Variants in NELL1 observed in about 807,000 individuals in gnomAD.
NELL1 encodes neural EGFL like 1, also known as protein kinase C-binding protein NELL1.
NELL1 carries 76 observed loss-of-function variants against 107.4 expected under a neutral mutation model. That is an observed-to-expected ratio of 0.71 (90% CI 0.59 to 0.86). The LOEUF (loss-of-function observed/expected upper bound fraction) is 0.86, where lower values mean the gene tolerates loss of function less well. Ranked by LOEUF, NELL1 falls within the 40% of genes least tolerant of loss-of-function variation. NELL1 has a pLI of 0.00. For missense variants in NELL1, 1,024 were observed against 1,005.5 expected (o/e 1.02, Z -0.25); for synonymous variants, 353 against 341.2 (o/e 1.03, Z -0.38).
chr11:20,915,717 A>ATATATATATATTTTTTTTT, intron 5 of NELL1, among the ~76,000 whole-genome samples: 1 of 58,218 alleles, frequency 1.7e-5, no homozygotes, highest in African/African-American at 8.8e-5. Context: ...ATATATATAT[A>ATATATATATATTTTTTTTT]TTTTTTTTTT....
At chr11:21,474,180 A>G (rs1037000332) in intron 15 of NELL1, among the ~76,000 whole-genome samples, 3 of 151,924 alleles carry the variant, frequency 2.0e-5, no homozygotes, top group Admixed American at 6.6e-5. Context: ...TTTTACTCAC[A>G]TTAACTTTCT....
At chr11:21,332,997 C>A (rs769958175) in intron 14 of NELL1, among the ~76,000 whole-genome samples, 1 of 151,938 alleles carries the variant, frequency 6.6e-6, no homozygotes. Context: ...ATAAATAAAT[C>A]AATAAGTGCA....
intron 2 of NELL1, among the ~76,000 whole-genome samples, chr11:20,688,150 A>G (rs748244196): frequency 6.6e-6 from 1 of 152,054 alleles, no homozygotes; most frequent in African/African-American, 2.4e-5. Context: ...TCGTAGTAGA[A>G]TTTGTTATAG....
chr11:20,968,323 A>G (rs191538917), intron 12 of NELL1, among the ~76,000 whole-genome samples: 1 of 151,702 alleles, frequency 6.6e-6, no homozygotes, highest in Non-Finnish European at 1.5e-5. Context: ...TGCATGGTAC[A>G]TTATAGACAC....
intron 5 of NELL1, among the ~76,000 whole-genome samples, chr11:20,900,858 A>G (rs961789789): frequency 3.9e-5 from 6 of 152,104 alleles, no homozygotes; most frequent in Non-Finnish European, 4.4e-5. Context: ...AATTGACTAC[A>G]TTAAAGGAGA....
chr11:20,994,652 G>A (rs981724477), intron 12 of NELL1, among the ~76,000 whole-genome samples: 1 of 152,150 alleles, frequency 6.6e-6, no homozygotes, highest in Non-Finnish European at 1.5e-5. Context: ...TTATCCTCAT[G>A]CTTGCAGTAG....
At chr11:21,188,788 T>G (rs1856987523) in intron 13 of NELL1, among the ~76,000 whole-genome samples, 3 of 151,834 alleles carry the variant, frequency 2.0e-5, no homozygotes, top group African/African-American at 7.3e-5. Flanking sequence ...TTTTTAGAAT[T>G]CTTTCCAGTA....
At chr11:20,940,806 T>C (rs11025822) in intron 10 of NELL1, among the ~76,000 whole-genome samples, 9,264 of 152,216 alleles carry the variant, frequency 0.061, 380 homozygotes, top group East Asian at 0.19. Context: ...AGACCAGCTG[T>C]CATAATAAGA....
At chr11:20,808,801 C>T (rs1857439531) in intron 3 of NELL1, among the ~76,000 whole-genome samples, 1 of 152,190 alleles carries the variant, frequency 6.6e-6, no homozygotes, top group South Asian at 2.1e-4. Flanking sequence ...CAAAGTCCCA[C>T]AATCATTGTA....
At chr11:20,815,104 G>A (rs528642831) in intron 3 of NELL1, among the ~76,000 whole-genome samples, 11 of 151,898 alleles carry the variant, frequency 7.2e-5, no homozygotes, top group East Asian at 1.9e-4. Flanking sequence ...TCTCTCTGTC[G>A]CCCAGGCTGG....
chr11:21,150,876 G>A (rs1856099324), intron 13 of NELL1, among the ~76,000 whole-genome samples: 1 of 152,054 alleles, frequency 6.6e-6, no homozygotes, highest in African/African-American at 2.4e-5. Flanking sequence ...AAGCATGGTG[G>A]GGGAGTCCTC....
At chr11:20,863,391 G>T in intron 4 of NELL1, among the ~76,000 whole-genome samples, 1 of 80,230 alleles carries the variant, frequency 1.2e-5, no homozygotes, top group East Asian at 3.6e-4. Context: ...TCCTGGACGG[G>T]GTGGCTGCCA....
chr11:21,166,199 G>A (rs1856477904), intron 13 of NELL1, among the ~76,000 whole-genome samples: 1 of 151,720 alleles, frequency 6.6e-6, no homozygotes, highest in Non-Finnish European at 1.5e-5. Context: ...CATGAAGATA[G>A]GGAGTAGAAG....
At chr11:21,176,881 G>A (rs2133819183) in intron 13 of NELL1, among the ~76,000 whole-genome samples, 1 of 151,874 alleles carries the variant, frequency 6.6e-6, no homozygotes, top group Non-Finnish European at 1.5e-5. Context: ...CCAAACTGAT[G>A]TTAAGGGATG....
At chr11:21,099,789 T>G (rs1382099032) in intron 12 of NELL1, among the ~76,000 whole-genome samples, 3 of 152,184 alleles carry the variant, frequency 2.0e-5, no homozygotes, top group Non-Finnish European at 4.4e-5. Context: ...TCTTTCCAGC[T>G]ATGTGACATT....
chr11:20,949,326 A>T (rs1851027538), intron 11 of NELL1, among the ~76,000 whole-genome samples: 1 of 152,188 alleles, frequency 6.6e-6, no homozygotes, highest in African/African-American at 2.4e-5. Flanking sequence ...GGCCCCTAGA[A>T]TTAGTGATAG....
At position 20,772,784 on chromosome 11, in the gene NELL1, A is replaced by T. The variant is rs1856666307; in HGVS notation, c.185-10896A>T. ...TTGTCTGAGCCAATAGATGGTGCTG[A>T]GGGACAGTGGTGCCTTATGATTGGC... On this transcript the variant is annotated intron_variant, in intron 2 of 19. Coordinates refer to ENST00000357134, the MANE Select transcript of NELL1 (RefSeq NM_006157.5). Among the ~76,000 whole-genome samples the T allele has an allele frequency of 2.0e-5, 3 of 152,206 alleles. No individual in the cohort carries two copies. The South Asian group carries it at 6.2e-4, about 31-fold the overall frequency.
intron 13 of NELL1, among the ~76,000 whole-genome samples, chr11:21,118,248 G>A (rs1157925484): frequency 1.3e-5 from 2 of 152,002 alleles, no homozygotes; most frequent in African/African-American, 4.8e-5. Context: ...ATTGACTGAG[G>A]CATGCTAGCA....
At chr11:21,059,833 T>TA (rs917594691) in intron 12 of NELL1, among the ~76,000 whole-genome samples, 1 of 152,126 alleles carries the variant, frequency 6.6e-6, no homozygotes, top group African/African-American at 2.4e-5. Flanking sequence ...GTCCTTAAAT[T>TA]AAAAAAATCA....
Sources: allele counts gnomAD v4.1 joint callset (sites outside exome capture counted in the v4.1 genomes callset), GRCh38; gene constraint gnomAD v4.1.1; transcripts MANE v1.5; gene names NCBI Gene and HGNC (gene_info 2026-07-23, HGNC 2026-07-21).